Variants in XRCC4 observed in about 807,000 individuals in gnomAD.
XRCC4 encodes the protein X-ray repair cross complementing 4, also known as DNA repair protein XRCC4.
In XRCC4, 28 loss-of-function variants were observed where a neutral mutation model predicts 39.1. That is an observed-to-expected ratio of 0.72 (90% CI 0.53 to 0.98). The LOEUF is 0.98. Among genes scored for constraint, XRCC4 ranks in the 50% least tolerant of loss-of-function variants. The pLI is 0.00. For missense variants in XRCC4, 350 were observed against 376.4 expected, an observed-to-expected ratio of 0.93 and a Z score of 0.58; for synonymous variants, 123 against 126.4, an observed-to-expected ratio of 0.97 and a Z score of 0.18.
intron 3 of XRCC4, among the ~76,000 whole-genome samples, chr5:83,120,183 G>A (rs1294061947): frequency 6.6e-6 from 1 of 152,134 alleles, no homozygotes; most frequent in Admixed American, 6.5e-5. Flanking sequence ...AGCGCACTTG[G>A]TATTGTCACT....
chr5:83,166,388 A>G (rs1165573396), intron 3 of XRCC4, among the ~76,000 whole-genome samples: 1 of 151,846 alleles, frequency 6.6e-6, no homozygotes, highest in Non-Finnish European at 1.5e-5. Context: ...TCTTTGAGGA[A>G]TCCCCACACT....
At chr5:83,256,638 TAA>T (rs5869173) in intron 6 of XRCC4, among the ~76,000 whole-genome samples, 2,440 of 141,724 alleles carry the variant, frequency 0.017, 63 homozygotes, top group African/African-American at 0.057. Context: ...TGAATGTGTT[TAA>T]AAAAAAAAAA....
At chr5:83,172,381 C>A (rs759274434) in intron 3 of XRCC4, among the ~76,000 whole-genome samples, 1 of 152,086 alleles carries the variant, frequency 6.6e-6, no homozygotes, top group Non-Finnish European at 1.5e-5. Context: ...TCTTTAAGGT[C>A]TTTTTGAGAA....
At chr5:83,263,872 G>A (rs866059026) in intron 7 of XRCC4, among the ~76,000 whole-genome samples, 1 of 151,386 alleles carries the variant, frequency 6.6e-6, no homozygotes, top group Non-Finnish European at 1.5e-5. Context: ...TGTCAATTTT[G>A]GCTTTTGTTG....
intron 3 of XRCC4, among the ~76,000 whole-genome samples, chr5:83,124,784 G>A (rs902184202): frequency 4.6e-5 from 7 of 152,214 alleles, no homozygotes; most frequent in African/African-American, 1.7e-4. Flanking sequence ...CCTCTATGGT[G>A]TGTAATGACT....
In XRCC4 at chr5:83,104,995, A is replaced by C; in HGVS notation, c.76A>C (p.Lys26Gln). 6.2e-7 allele frequency: 1 copy of C among 1,613,636 alleles called. No individual in the cohort carries two copies. The highest frequency in any genetic ancestry group is 8.5e-7 in the Non-Finnish European group (1 of 1,179,764). Residue 26 changes from lysine (K) to glutamine (Q), a missense_variant, in exon 2 of 8, where the codon AAA becomes CAA. By Grantham distance (53) the Lys-to-Gln change is moderately conservative. Coordinates refer to ENST00000396027, the MANE Select transcript of XRCC4 (RefSeq NM_003401.5). ...ITHFLQVSWEKTLESGFVITL... is the reference protein window; with the variant it reads ...ITHFLQVSWEQTLESGFVITL... ...TCATTTTCTACAAGTATCTTGGGAG[A>C]AAACACTGGAATCTGGTTTTGTTAT...
chr5:83,162,091 C>T (rs562194720), intron 3 of XRCC4, among the ~76,000 whole-genome samples: 7 of 152,198 alleles, frequency 4.6e-5, no homozygotes, highest in African/African-American at 1.2e-4. Flanking sequence ...GGCATGAACC[C>T]GGGAGGCAGA....
At position 83,103,009 on chromosome 5, in the gene XRCC4, GATATAT is replaced by G. The variant is rs56183616; in HGVS notation, c.-10-1884_-10-1879del. Among the ~76,000 whole-genome samples the G allele has an allele frequency of 3.8e-4, 40 of 106,458 alleles. 1 individual carries two copies. Among genetic ancestry groups the G allele is most frequent in the African/African-American group, 8.3e-4 (21 of 25,420 alleles). The allele number at this position is 106,458 out of a possible 152,430, so 69.8% of individuals were successfully genotyped here. A position where few individuals can be genotyped will look rare whatever the true frequency, so the allele number is the denominator to read the frequency against. On this transcript the variant is annotated intron_variant, in intron 1 of 7. Transcript: ENST00000396027. ...ATAGGGTTCCAGTAAAGATAGAGCTGATATATATATATATATATATATGTCAACATA... is the reference window on the plus strand; with the variant it reads ...ATAGGGTTCCAGTAAAGATAGAGCTGATATATATATATATATGTCAACATA...
At chr5:83,194,241 C>T (rs184679846) in intron 3 of XRCC4, among the ~76,000 whole-genome samples, 10 of 152,268 alleles carry the variant, frequency 6.6e-5, no homozygotes, top group African/African-American at 1.7e-4. Flanking sequence ...CCACTGTGCT[C>T]GGCCAGGTGA....
intron 3 of XRCC4, among the ~76,000 whole-genome samples, chr5:83,118,044 CCACACACACACA>C (rs34524513): frequency 2.5e-5 from 3 of 118,440 alleles, no homozygotes; most frequent in Admixed American, 7.7e-5. Flanking sequence ...ATATACATCT[CCACACACACACA>C]CACACACACA....
At chr5:83,131,782 A>C (rs1471195172) in intron 3 of XRCC4, among the ~76,000 whole-genome samples, 2 of 151,860 alleles carry the variant, frequency 1.3e-5, no homozygotes. Context: ...GTCTCTGCAC[A>C]TGAGATGGGT....
chr5:83,130,502 T>G (rs1747516377), intron 3 of XRCC4, among the ~76,000 whole-genome samples: 1 of 152,146 alleles, frequency 6.6e-6, no homozygotes, highest in African/African-American at 2.4e-5. Context: ...TTAGGGAGGA[T>G]TCCCTCTTTT....
intron 6 of XRCC4, among the ~76,000 whole-genome samples, chr5:83,246,620 C>T (rs1753111781): frequency 6.6e-6 from 1 of 152,032 alleles, no homozygotes; most frequent in Non-Finnish European, 1.5e-5. Context: ...TTCTAAATGT[C>T]AGTTTATTAT....
intron 3 of XRCC4, among the ~76,000 whole-genome samples, chr5:83,149,445 GATA>G (rs1748607678): frequency 6.7e-6 from 1 of 148,944 alleles, no homozygotes. Flanking sequence ...ACTTTAATAG[GATA>G]ATAATTAAAG....
intron 3 of XRCC4, among the ~76,000 whole-genome samples, chr5:83,124,540 C>A (rs916389802): frequency 1.3e-5 from 2 of 152,058 alleles, no homozygotes; most frequent in African/African-American, 2.4e-5. Context: ...CTGAAAAAAA[C>A]CTTTAGGTTG....
Position 83,258,837 on chromosome 5 carries a change from T to C in XRCC4, c.893+160T>C, listed in dbSNP as rs1580435004. The C allele has an allele frequency of 8.5e-6, 8 of 940,522 alleles. No individual in the cohort carries two copies. The East Asian group carries it at 2.4e-4, about 28-fold the overall frequency. The allele number at this position is 940,522 out of a possible 1,614,324, so 58.3% of individuals were successfully genotyped here. A position where few individuals can be genotyped will look rare whatever the true frequency, so the allele number is the denominator to read the frequency against. On this transcript the variant is annotated intron_variant, in intron 7 of 7. Coordinates refer to ENST00000396027, the MANE Select transcript of XRCC4 (RefSeq NM_003401.5). ...TGTTTGAATCAATGTATTGTTTCAG[T>C]ATTTGGTTAATTTCTATTAATATTT...
At chr5:83,259,013 G>A (rs534399649) in intron 7 of XRCC4, 68 of 198,394 alleles carry the variant, frequency 3.4e-4, no homozygotes, top group Admixed American at 5.2e-4. Flanking sequence ...AAAGAGACCC[G>A]TATGGCATTC....
chr5:83,275,585 G>T (rs1290624400), intron 7 of XRCC4, among the ~76,000 whole-genome samples: 2 of 152,098 alleles, frequency 1.3e-5, no homozygotes, highest in Non-Finnish European at 2.9e-5. Context: ...GTGAGCCACC[G>T]CGCCCGGCCC....
intron 7 of XRCC4, among the ~76,000 whole-genome samples, chr5:83,295,752 A>G (rs1280539740): frequency 6.6e-6 from 1 of 152,042 alleles, no homozygotes; most frequent in Non-Finnish European, 1.5e-5. Flanking sequence ...GCACATGCAC[A>G]AGCCTATCTA....
Sources: allele counts gnomAD v4.1 joint callset (sites outside exome capture counted in the v4.1 genomes callset), GRCh38; gene constraint gnomAD v4.1.1; transcripts MANE v1.5; gene names NCBI Gene and HGNC (gene_info 2026-07-23, HGNC 2026-07-21).